Variants in SLC30A8 observed in about 807,000 individuals in gnomAD.
The protein encoded by SLC30A8 is proton-coupled zinc antiporter SLC30A8.
SLC30A8 carries 27 observed loss-of-function variants against 36.9 expected under a neutral mutation model. The ratio of observed to expected loss-of-function variants is 0.73; its 90% CI spans 0.54 to 1.01. The LOEUF is 1.01. Ranked by LOEUF, SLC30A8 falls within the 50% of genes least tolerant of loss-of-function variation. The pLI, the probability that SLC30A8 is intolerant of heterozygous loss-of-function variation, is 0.00. For missense variants in SLC30A8, 439 were observed against 452.0 expected (o/e 0.97, Z 0.26); for synonymous variants, 164 against 172.4 (o/e 0.95, Z 0.38).
chr8:117,059,816 G>A (rs984264477), intron 2 of SLC30A8, among the ~76,000 whole-genome samples: 2 of 152,176 alleles, frequency 1.3e-5, no homozygotes, highest in African/African-American at 2.4e-5. Context: ...AGATTGGGGC[G>A]TGTTTTGGGA....
chr8:117,027,093 C>T (rs1214375863), intron 1 of SLC30A8, among the ~76,000 whole-genome samples: 1 of 152,100 alleles, frequency 6.6e-6, no homozygotes, highest in Non-Finnish European at 1.5e-5. Flanking sequence ...TTACTGAGAC[C>T]TAGGTCTTGC....
chr8:117,021,921 T>C (rs1816706958), intron 1 of SLC30A8, among the ~76,000 whole-genome samples: 1 of 152,004 alleles, frequency 6.6e-6, no homozygotes, highest in Admixed American at 6.6e-5. Context: ...ATGACCTTTT[T>C]AAAGAATGAT....
intron 2 of SLC30A8, among the ~76,000 whole-genome samples, chr8:117,151,574 A>T (rs1018382269): frequency 2.6e-5 from 4 of 152,214 alleles, no homozygotes; most frequent in Admixed American, 6.5e-5. Flanking sequence ...TTCCAAAGCA[A>T]GCCCTTTTTC....
chr8:117,086,440 C>T (rs1265856133), intron 2 of SLC30A8, among the ~76,000 whole-genome samples: 1 of 152,176 alleles, frequency 6.6e-6, no homozygotes, highest in Non-Finnish European at 1.5e-5. Flanking sequence ...AAACTATGTG[C>T]ATCTATGTCT....
intron 1 of SLC30A8, among the ~76,000 whole-genome samples, chr8:117,015,309 A>G (rs977379915): frequency 6.6e-6 from 1 of 152,122 alleles, no homozygotes; most frequent in Non-Finnish European, 1.5e-5. Context: ...AAACTTAGCA[A>G]ACAGCCCATT....
intron 1 of SLC30A8, among the ~76,000 whole-genome samples, chr8:116,979,238 C>CAAAAAAAAAAAAAAAAA (rs67998633): frequency 1.6e-5 from 1 of 64,308 alleles, no homozygotes; most frequent in Non-Finnish European, 2.8e-5. Flanking sequence ...GACCCTGTCT[C>CAAAAAAAAAAAAAAAAA]AAAAAAAAAA....
At chr8:117,115,910 G>A (rs1820423466) in intron 2 of SLC30A8, among the ~76,000 whole-genome samples, 1 of 152,042 alleles carries the variant, frequency 6.6e-6, no homozygotes, top group Admixed American at 6.6e-5. Context: ...GGGGAGTTTT[G>A]GGACTTGTCT....
At chr8:117,144,721 T>A (rs1189295664) in intron 1 of SLC30A8, among the ~76,000 whole-genome samples, 3 of 152,152 alleles carry the variant, frequency 2.0e-5, no homozygotes, top group Non-Finnish European at 2.9e-5. Flanking sequence ...AGAATCTGTA[T>A]CTTTGGTAGG....
chr8:117,133,346 AT>A (rs1821213312), upstream of SLC30A8, among the ~76,000 whole-genome samples: 1 of 151,948 alleles, frequency 6.6e-6, no homozygotes, highest in South Asian at 2.1e-4. Flanking sequence ...GGCAATCCAC[AT>A]TAACTACCTG....
chr8:117,029,780 C>G (rs1407100654), intron 1 of SLC30A8, among the ~76,000 whole-genome samples: 5 of 152,164 alleles, frequency 3.3e-5, no homozygotes, highest in Non-Finnish European at 7.4e-5. Context: ...TTGGAGTCAT[C>G]TAACACTGCA....
chr8:117,112,079 T>C (rs1820250972), intron 2 of SLC30A8, among the ~76,000 whole-genome samples: 1 of 152,176 alleles, frequency 6.6e-6, no homozygotes, highest in African/African-American at 2.4e-5. Context: ...CTTCCGTCTC[T>C]ATTTCAGGTA....
In SLC30A8 at chr8:117,171,385, G is replaced by C. The variant is rs183506304; in HGVS notation, c.964+217G>C. On this transcript the variant is annotated intron_variant, in intron 7 of 7. Transcript: ENST00000456015. ...ACATTCTTGGGGCTGACTGCAGAGG[G>C]CTGAGGACAGACAGAACAAAGGACT... 7.2e-5 allele frequency among the ~76,000 whole-genome samples: 11 copies of C among 152,116 alleles called. No homozygotes were observed. The East Asian group carries it at 1.4e-3, about 19-fold the overall frequency.
chr8:117,135,231 G>C lies in SLC30A8; in HGVS notation c.-97G>C, dbSNP rs1467992056. The stretch of plus-strand genomic sequence containing the variant: ...CTGGAGCCTTTTAATTTTTTCTTTA[G>C]AAAGTGTATAAATAATTGCAGTGCT... On this transcript the variant is annotated 5_prime_UTR_variant, in exon 1 of 8. Coordinates refer to ENST00000456015, the MANE Select transcript of SLC30A8 (RefSeq NM_173851.3). 1 of 727,858 alleles carries C rather than the reference G, an allele frequency of 1.4e-6. No individual in the cohort carries two copies. The highest frequency in any genetic ancestry group is 2.9e-5 in the Admixed American group (1 of 34,760). The allele number at this position is 727,858 out of a possible 1,614,324, so 45.1% of individuals were successfully genotyped here. A position where few individuals can be genotyped will look rare whatever the true frequency, so the allele number is the denominator to read the frequency against.
At chr8:117,063,636 T>C (rs1818084435) in intron 2 of SLC30A8, among the ~76,000 whole-genome samples, 1 of 152,184 alleles carries the variant, frequency 6.6e-6, no homozygotes, top group South Asian at 2.1e-4. Context: ...CAACCGTCAA[T>C]ATAGAATCAG....
chr8:116,994,441 A>C (rs1220220773), intron 1 of SLC30A8, among the ~76,000 whole-genome samples: 1 of 152,108 alleles, frequency 6.6e-6, no homozygotes, highest in African/African-American at 2.4e-5. Flanking sequence ...AGGTCACTTG[A>C]TAGAATACCA....
At chr8:116,998,791 T>A (rs2130680220) in intron 1 of SLC30A8, among the ~76,000 whole-genome samples, 1 of 152,336 alleles carries the variant, frequency 6.6e-6, no homozygotes, top group East Asian at 1.9e-4. Context: ...TGCCAGGGAA[T>A]GCTGGAGCCA....
At chr8:117,020,148 C>T (rs1816655606) in intron 1 of SLC30A8, among the ~76,000 whole-genome samples, 1 of 152,252 alleles carries the variant, frequency 6.6e-6, no homozygotes, top group African/African-American at 2.4e-5. Flanking sequence ...TAGCTTCCAA[C>T]AGATGAGAAA....
At position 117,102,821 on chromosome 8, in the gene SLC30A8, G is replaced by T. The variant is rs147872915; in HGVS notation, c.-225-32459G>T. ...AGCTCATCCCAATACAATACATGAT[G>T]CATCTCAACTTGATTACAGATTCAA... On this transcript the variant is annotated intron_variant, in intron 2 of 10. Transcript: ENST00000427715. Among the ~76,000 whole-genome samples the T allele has an allele frequency of 3.6e-3, 551 of 152,164 alleles. 3 individuals are homozygous for T. The highest frequency in any genetic ancestry group is 0.013 in the African/African-American group (527 of 41,514).
chr8:117,128,670 G>A (rs965050169), intron 2 of SLC30A8: 6 of 151,972 alleles, frequency 3.9e-5, no homozygotes, highest in African/African-American at 1.2e-4. Context: ...GTTTTATTTA[G>A]CTGGCAGTTA....
Sources: gnomAD v4.1 joint callset for allele counts (sites outside exome capture counted in the v4.1 genomes callset) on GRCh38, gnomAD v4.1.1 for gene constraint, MANE v1.5 for transcripts, NCBI Gene and HGNC (gene_info 2026-07-23, HGNC 2026-07-21) for gene names.